Variants in CFAP20DC observed in about 807,000 individuals in gnomAD.
CFAP20DC encodes the protein protein CFAP20DC.
Under a neutral mutation model 101.7 loss-of-function variants are expected in CFAP20DC, and 84 were observed. The ratio of observed to expected loss-of-function variants is 0.83; its 90% CI spans 0.69 to 0.99. The LOEUF (loss-of-function observed/expected upper bound fraction) is 0.99. CFAP20DC is among the 50% of genes least tolerant of loss of function. CFAP20DC has a pLI of 0.00. For synonymous variants in CFAP20DC, 359 were observed against 351.2 expected (o/e 1.02, Z -0.25); for missense variants, 1,007 against 970.3 (o/e 1.04, Z -0.50).
intron 4 of CFAP20DC, among the ~76,000 whole-genome samples, chr3:59,004,046 A>G (rs1265064467): frequency 6.6e-6 from 1 of 152,122 alleles, no homozygotes; most frequent in East Asian, 1.9e-4. Flanking sequence ...CAGGGCTTTT[A>G]CTGTAAATAC....
intron 6 of CFAP20DC, among the ~76,000 whole-genome samples, chr3:58,887,850 T>C (rs1329081690): frequency 2.0e-5 from 3 of 152,228 alleles, no homozygotes; most frequent in Non-Finnish European, 2.9e-5. Flanking sequence ...TAAAAAACAC[T>C]GGTTGATTAT....
intron 4 of CFAP20DC, among the ~76,000 whole-genome samples, chr3:58,951,946 C>G (rs186351625): frequency 6.6e-6 from 1 of 152,240 alleles, no homozygotes; most frequent in East Asian, 1.9e-4. Context: ...TGTTCCAAAG[C>G]TCACTTTAGA....
At chr3:58,943,626 C>A (rs1012808639) in intron 4 of CFAP20DC, among the ~76,000 whole-genome samples, 1 of 152,130 alleles carries the variant, frequency 6.6e-6, no homozygotes, top group African/African-American at 2.4e-5. Context: ...AAAACCAGCA[C>A]AAAAAGGCTG....
At chr3:59,046,154 G>T in intron 3 of CFAP20DC, 75 bp downstream of exon 3, 1 of 986,386 alleles carries the variant, frequency 1.0e-6, no homozygotes, top group Admixed American at 2.4e-5. Flanking sequence ...TCATACTAAT[G>T]TGCCTGTTTA....
At chr3:59,043,583 C>T (rs1048429501) in intron 3 of CFAP20DC, among the ~76,000 whole-genome samples, 1 of 151,992 alleles carries the variant, frequency 6.6e-6, no homozygotes, top group African/African-American at 2.4e-5. Flanking sequence ...AAATGCAGAA[C>T]AATGCCAGGC....
At chr3:58,733,763 G>A (rs2067692706) in intron 3 of CFAP20DC, among the ~76,000 whole-genome samples, 1 of 152,222 alleles carries the variant, frequency 6.6e-6, no homozygotes. Flanking sequence ...GGCCCCAGGT[G>A]TTAATCTATA....
At chr3:58,945,332 A>G (rs1046621946) in intron 4 of CFAP20DC, among the ~76,000 whole-genome samples, 1 of 152,190 alleles carries the variant, frequency 6.6e-6, no homozygotes, top group East Asian at 1.9e-4. Flanking sequence ...CAAGATATTT[A>G]ATATCTAATG....
At chr3:58,862,875 G>A in intron 12 of CFAP20DC, 1 of 983,686 alleles carries the variant, frequency 1.0e-6, no homozygotes, top group Non-Finnish European at 1.2e-6. Context: ...CTTCCTATGG[G>A]GAAAAAGTTA....
chr3:58,727,446 T>C (rs1434915243), intron 3 of CFAP20DC: 1 of 150,892 alleles, frequency 6.6e-6, no homozygotes, highest in Non-Finnish European at 1.5e-5. Flanking sequence ...TTTTCTTTTC[T>C]TTTTTTTTGA....
intron 12 of CFAP20DC, among the ~76,000 whole-genome samples, chr3:58,857,726 G>A (rs1281847613): frequency 6.6e-6 from 1 of 152,102 alleles, no homozygotes; most frequent in African/African-American, 2.4e-5. Flanking sequence ...CTATATTTGA[G>A]TAGTGTTCTA....
At chr3:58,896,985 GTTAAAGTC>G (rs1486259415) in intron 6 of CFAP20DC, among the ~76,000 whole-genome samples, 1 of 152,126 alleles carries the variant, frequency 6.6e-6, no homozygotes, top group Non-Finnish European at 1.5e-5. Context: ...TCAGCAGGGT[GTTAAAGTC>G]TCCCATTATT....
intron 6 of CFAP20DC, among the ~76,000 whole-genome samples, chr3:58,904,911 G>A (rs990443186): frequency 1.3e-5 from 2 of 152,066 alleles, no homozygotes; most frequent in Non-Finnish European, 2.9e-5. Context: ...TTTATTGAAC[G>A]GAGACAGTGA....
intron 13 of CFAP20DC, among the ~76,000 whole-genome samples, chr3:58,833,552 A>G (rs143657871): frequency 0.013 from 2,053 of 152,284 alleles, 38 homozygotes; most frequent in African/African-American, 0.046. Context: ...GGATGGTTAC[A>G]ATAAAAAAGA....
chr3:58,852,952 A>T (rs987354691), intron 12 of CFAP20DC, among the ~76,000 whole-genome samples: 47 of 152,158 alleles, frequency 3.1e-4, no homozygotes, highest in African/African-American at 1.1e-3. Context: ...AACACATACG[A>T]AAGCTAGCAG....
intron 6 of CFAP20DC, among the ~76,000 whole-genome samples, chr3:58,907,803 A>T (rs1431174758): frequency 6.6e-6 from 1 of 152,196 alleles, no homozygotes; most frequent in Non-Finnish European, 1.5e-5. Flanking sequence ...GCTGAAGCAT[A>T]AAGATAGGGT....
chr3:58,720,589 G>A (rs918561666), intron 3 of CFAP20DC, among the ~76,000 whole-genome samples: 12 of 152,176 alleles, frequency 7.9e-5, no homozygotes, highest in South Asian at 2.1e-4. Flanking sequence ...GCTGCCAGTC[G>A]CACATTATTG....
At chr3:58,890,605 G>C (rs1207240125) in intron 6 of CFAP20DC, among the ~76,000 whole-genome samples, 5 of 151,532 alleles carry the variant, frequency 3.3e-5, no homozygotes, top group African/African-American at 1.2e-4. Context: ...TGGCTGCCGG[G>C]CGGAGACGCT....
At chr3:58,765,479 A>AG (rs1443918278) in intron 15 of CFAP20DC, among the ~76,000 whole-genome samples, 1 of 148,818 alleles carries the variant, frequency 6.7e-6, no homozygotes, top group Non-Finnish European at 1.5e-5. Context: ...GCCAAAAAAA[A>AG]AAAAAAAAAC....
At chr3:58,737,798 G>A (rs759088857), downstream of CFAP20DC, among the ~76,000 whole-genome samples, 10 of 152,124 alleles carry the variant, frequency 6.6e-5, no homozygotes, top group African/African-American at 2.4e-4. This position sits in a 1 kb window ranked among gnomAD's most constrained non-coding sequence, Gnocchi z 4.1. Context: ...CAAAAGAAAC[G>A]GAAATGCTCA....
Sources: allele counts gnomAD v4.1 joint callset (sites outside exome capture counted in the v4.1 genomes callset), GRCh38; gene constraint gnomAD v4.1.1; non-coding constraint Gnocchi (gnomAD v3.1); transcripts MANE v1.5; gene names NCBI Gene and HGNC (gene_info 2026-07-23, HGNC 2026-07-21).